The following CEACAM3 variants were observed in gnomAD, a reference collection of about 807,000 sequenced individuals.
CEACAM3 encodes the protein cell adhesion molecule CEACAM3.
Under a neutral mutation model 30.1 loss-of-function variants are expected in CEACAM3, and 32 were observed. The observed-to-expected ratio is 1.06, with a 90% CI of 0.80 to 1.43. The LOEUF is 1.43. Ranked by LOEUF, CEACAM3 falls within the 40% of genes most tolerant of loss-of-function variation. CEACAM3 has a pLI of 0.00. For synonymous variants in CEACAM3, 134 were observed against 127.2 expected, an observed-to-expected ratio of 1.05 and a Z score of -0.36; for missense variants, 290 against 316.3, an observed-to-expected ratio of 0.92 and a Z score of 0.63.
intron 2 of CEACAM3, among the ~76,000 whole-genome samples, chr19:41,803,892 C>T: frequency 6.6e-6 from 1 of 151,944 alleles, no homozygotes. Context: ...CCAGCCTGGC[C>T]AACATGATGA....
chr19:41,810,220 T>G (rs1199875534), intron 4 of CEACAM3, 103 bp from the exon 5 acceptor site: 2 of 1,461,560 alleles, frequency 1.4e-6, no homozygotes, highest in East Asian at 4.8e-5. Flanking sequence ...CTCCCCAACC[T>G]CAGCTGCTCA....
Position 41,803,461 on chromosome 19 carries a change from GT to G in CEACAM3, c.425-5348del, listed in dbSNP as rs797042257. Among the ~76,000 whole-genome samples, 193 of 74,140 alleles carry G rather than the reference GT, an allele frequency of 2.6e-3. 2 individuals are homozygous for G. Among genetic ancestry groups the G allele is most frequent in the African/African-American group, 6.4e-3 (187 of 29,008 alleles). The allele number at this position is 74,140 out of a possible 152,430, so 48.6% of individuals were successfully genotyped here. On this transcript the variant is annotated intron_variant, in intron 2 of 6. Transcript: ENST00000357396. ...GTGTGTGTGTGTGTGTGTGTGTGTT[GT>G]TTTGTTTGTTTTTTTTTTTTTTGAG... is the stretch of plus-strand genomic sequence containing the variant.
intron 3 of CEACAM3, 138 bp from the exon 4 acceptor site, chr19:41,809,827 C>T (rs1243706663): frequency 1.7e-5 from 14 of 811,582 alleles, no homozygotes; most frequent in Non-Finnish European, 2.5e-5. Context: ...GCTGGGCTCC[C>T]CCTAACACAA....
At chr19:41,800,432 G>T (rs1185332077) in intron 2 of CEACAM3, among the ~76,000 whole-genome samples, 1 of 152,090 alleles carries the variant, frequency 6.6e-6, no homozygotes, top group Admixed American at 6.5e-5. Context: ...CTTTCCCCGG[G>T]AGAGTTTAGA....
intron 2 of CEACAM3, among the ~76,000 whole-genome samples, chr19:41,808,581 C>T (rs1265588864): frequency 6.6e-6 from 1 of 152,216 alleles, no homozygotes; most frequent in Non-Finnish European, 1.5e-5. Flanking sequence ...GGGTGAGGTG[C>T]AGGCACCTCT....
At chr19:41,806,127 A>G (rs2073197832) in intron 2 of CEACAM3, among the ~76,000 whole-genome samples, 2 of 152,030 alleles carry the variant, frequency 1.3e-5, no homozygotes, top group Non-Finnish European at 2.9e-5. Flanking sequence ...TCCCAGGTTC[A>G]AGTGATTCTC....
In CEACAM3 at chr19:41,797,694, A is replaced by G. The variant is rs782744502; in HGVS notation, c.170A>G (p.Asn57Ser). 21 of 1,613,948 alleles carry G rather than the reference A, an allele frequency of 1.3e-5. No homozygotes were observed. The highest frequency in any genetic ancestry group is 2.2e-5 in the East Asian group (1 of 44,896). ...AAGGAGGTGCTTCTACTTGTCCACAATCTGCCCCAGCATCTTTTTGGCTAC... is the reference window on the plus strand; with the variant it reads ...AAGGAGGTGCTTCTACTTGTCCACAGTCTGCCCCAGCATCTTTTTGGCTAC... ...EGKEVLLLVH[N>S]LPQHLFGYSW... The change falls in exon 2 of 7, where the codon AAT (asparagine) becomes AGT (serine). Residue 57 changes from asparagine to serine, a missense_variant. By Grantham distance (46) the Asn-to-Ser change is conservative. Coordinates refer to ENST00000357396, the MANE Select transcript of CEACAM3 (RefSeq NM_001815.5).
Position 41,797,677 on chromosome 19 carries a change from G to C in CEACAM3, c.153G>C (p.Val51=). The C allele has an allele frequency of 6.2e-7, 1 of 1,614,132 alleles. No individual in the cohort carries two copies. Among genetic ancestry groups the C allele is most frequent in the Non-Finnish European group, 8.5e-7 (1 of 1,180,030 alleles). Residue 51 remains valine (V), a synonymous_variant, in exon 2 of 7, where the codon GTG becomes GTC. Coordinates refer to ENST00000357396, the MANE Select transcript of CEACAM3 (RefSeq NM_001815.5). ...MPLSVAEGKE[V]LLLVHNLPQH... is the part of the protein sequence containing the mutation. Reference sequence around the variant, plus strand: ...TCAGTGTCGCAGAGGGGAAGGAGGTGCTTCTACTTGTCCACAATCTGCCCC... The same window carrying C: ...TCAGTGTCGCAGAGGGGAAGGAGGTCCTTCTACTTGTCCACAATCTGCCCC...
At chr19:41,808,969 G>A in intron 3 of CEACAM3, 39 bp downstream of exon 3, 1 of 1,423,956 alleles carries the variant, frequency 7.0e-7, no homozygotes, top group Non-Finnish European at 9.5e-7. Flanking sequence ...CACCCCCTAG[G>A]CTGACTCCAG....
chr19:41,811,010 C>G (rs1200645851), intron 6 of CEACAM3, 113 bp downstream of exon 6: 4 of 1,280,272 alleles, frequency 3.1e-6, no homozygotes. Flanking sequence ...AAAATAAGAA[C>G]GGGGGTGGCG....
chr19:41,806,585 G>A (rs563133182), intron 2 of CEACAM3, among the ~76,000 whole-genome samples: 1 of 152,308 alleles, frequency 6.6e-6, no homozygotes, highest in East Asian at 1.9e-4. Context: ...TTCTTTCACA[G>A]GCAGGCAGCC....
intron 2 of CEACAM3, among the ~76,000 whole-genome samples, chr19:41,803,752 C>CAA: frequency 1.1e-5 from 1 of 93,528 alleles, no homozygotes; most frequent in Admixed American, 1.1e-4. Flanking sequence ...AGGCATGAGC[C>CAA]ACCATGCCCG....
At chr19:41,802,359 C>A (rs1446902535) in intron 2 of CEACAM3, among the ~76,000 whole-genome samples, 1 of 152,228 alleles carries the variant, frequency 6.6e-6, no homozygotes, top group African/African-American at 2.4e-5. Flanking sequence ...GAAAAATCAA[C>A]AACTCTTTTA....
chr19:41,796,766 G>T, intron 1 of CEACAM3, 25 bp downstream of exon 1: 2 of 1,602,474 alleles, frequency 1.2e-6, no homozygotes, highest in Non-Finnish European at 1.7e-6. Flanking sequence ...CCTGGGAGTG[G>T]GCAAGAGGAG....
rs144845671 is a variant in CEACAM3, at chr19:41,809,368, G to A, written c.542+438G>A. ...ATGGGGAGTGGACCAGCCTGGACAG[G>A]CTGGGTGGGGTCAGTGCCCCCCATG... On this transcript the variant is annotated intron_variant, in intron 3 of 6. Coordinates refer to ENST00000357396, the MANE Select transcript of CEACAM3 (RefSeq NM_001815.5). 12 of 170,844 alleles carry A rather than the reference G, an allele frequency of 7.0e-5. No homozygotes were observed. In the East Asian group the frequency reaches 2.1e-3, roughly 29 times the overall value. The allele number at this position is 170,844 out of a possible 1,614,324, so 10.6% of individuals were successfully genotyped here.
chr19:41,810,474 A>G (rs1450208818), intron 5 of CEACAM3, 120 bp downstream of exon 5: 91 of 1,198,160 alleles, frequency 7.6e-5, no homozygotes, highest in Non-Finnish European at 1.2e-6. Flanking sequence ...CACACAGGAC[A>G]AGGCTAGCCC....
At chr19:41,806,880 G>A (rs1453684264) in intron 2 of CEACAM3, among the ~76,000 whole-genome samples, 2 of 152,072 alleles carry the variant, frequency 1.3e-5, no homozygotes, top group Non-Finnish European at 2.9e-5. Flanking sequence ...GTAGAGACGG[G>A]GTTTCACCGT....
rs200058137 is a variant in CEACAM3 at position 41,809,938 on chromosome 19, C to T, written c.543-27C>T. 10 of 1,613,082 alleles carry T rather than the reference C, an allele frequency of 6.2e-6. No homozygotes were observed. In the East Asian group the frequency reaches 1.8e-4, roughly 29 times the overall value. On this transcript the variant is annotated intron_variant, in intron 3 of 6. Transcript: ENST00000357396. ...AAGTTGTGGCTTTTAACCTGGCACC[C>T]TCCCAAATGACCCTGACCTTTCCTA...
chr19:41,796,644 T>A lies in CEACAM3; in HGVS notation c.-34T>A. 6.2e-7 allele frequency: 1 copy of A among 1,611,562 alleles called. No individual in the cohort carries two copies. The highest frequency in any genetic ancestry group is 1.3e-5 in the African/African-American group (1 of 74,990). On this transcript the variant is annotated 5_prime_UTR_variant, in exon 1 of 7. Coordinates refer to ENST00000357396, the MANE Select transcript of CEACAM3 (RefSeq NM_001815.5). Reference sequence around the variant, plus strand: ...AGCATTCCTGGAGCCCAGGCTCTTTTCCACAGAGGAGGAAAGAGCAGGCAG... The same window carrying A: ...AGCATTCCTGGAGCCCAGGCTCTTTACCACAGAGGAGGAAAGAGCAGGCAG...
Sources: allele counts gnomAD v4.1 joint callset (sites outside exome capture counted in the v4.1 genomes callset), GRCh38; gene constraint gnomAD v4.1.1; transcripts MANE v1.5; gene names NCBI Gene and HGNC (gene_info 2026-07-23, HGNC 2026-07-21).